MICAL3: variants seen among roughly 807,000 people sequenced by gnomAD.
MICAL3 encodes the protein microtubule associated monooxygenase, calponin and LIM domain containing 3, also known as [F-actin]-monooxygenase MICAL3.
MICAL3 carries 62 observed loss-of-function variants against 207.4 expected under a neutral mutation model. The ratio of observed to expected loss-of-function variants is 0.30; its 90% CI spans 0.24 to 0.37. MICAL3 has a LOEUF of 0.37. Among genes scored for constraint, MICAL3 ranks in the 10% least tolerant of loss-of-function variants. The pLI is 1.00. For missense variants in MICAL3, 2,368 were observed against 2,635.6 expected (o/e 0.90, Z 2.22); for synonymous variants, 1,077 against 1,069.3 (o/e 1.01, Z -0.14).
At position 17,788,977 on chromosome 22, in the gene MICAL3, G is replaced by C. The variant is rs536304192; in HGVS notation, c.*1755C>G. ...CGCCCCTGGCAGGCGGGTCTGGTCC[G>C]GATGGCTCCTCGCTGGGCTATGTGC... On this transcript the variant is annotated 3_prime_UTR_variant, in exon 32 of 32. Transcript: ENST00000441493. 1.3e-5 allele frequency: 2 copies of C among 152,586 alleles called. No individual in the cohort carries two copies. Among genetic ancestry groups the C allele is most frequent in the African/African-American group, 4.8e-5 (2 of 41,474 alleles). 9.5% of individuals were successfully genotyped at this position (152,586 alleles called of 1,614,324 possible).
intron 17 of MICAL3, among the ~76,000 whole-genome samples, chr22:17,866,643 T>TAGAATAGAATAGAAC (rs1927170353): frequency 6.6e-6 from 1 of 150,438 alleles, no homozygotes; most frequent in African/African-American, 2.5e-5. Context: ...TAGAATAGAA[T>TAGAATAGAATAGAAC]AGAATAGAAT....
chr22:17,861,711 AG>A lies in MICAL3; in HGVS notation c.2605+3187del, dbSNP rs1374346376. 7.1e-6 allele frequency: 7 copies of A among 985,222 alleles called. No individual in the cohort carries two copies. The African/African-American group carries it at 1.0e-4, about 15-fold the overall frequency. The allele number at this position is 985,222 out of a possible 1,614,324, so 61.0% of individuals were successfully genotyped here. On this transcript the variant is annotated intron_variant, in intron 19 of 31. Transcript: ENST00000441493. ...TGTGCCAGGACCACTAACACGCAGT[AG>A]TAAGTATAAGCTTGGAAACACAGCA...
intron 20 of MICAL3, among the ~76,000 whole-genome samples, chr22:17,836,093 T>TC (rs556155733): frequency 4.9e-4 from 74 of 152,238 alleles, no homozygotes; most frequent in Non-Finnish European, 3.4e-4. Context: ...GCTCTGAATT[T>TC]CCCCCCAGCT....
At chr22:17,872,250 G>A (rs901325188) in intron 16 of MICAL3, among the ~76,000 whole-genome samples, 1 of 152,252 alleles carries the variant, frequency 6.6e-6, no homozygotes, top group Non-Finnish European at 1.5e-5. Flanking sequence ...TGGCACAACC[G>A]CGAAAGCCTG....
chr22:17,990,533 C>A (rs925569286), intron 1 of MICAL3, among the ~76,000 whole-genome samples: 2 of 152,176 alleles, frequency 1.3e-5, no homozygotes, highest in African/African-American at 4.8e-5. Context: ...CTTCATTGCA[C>A]AGATGAGGAA....
chr22:17,937,399 C>T (rs1933587904), intron 1 of MICAL3, among the ~76,000 whole-genome samples: 1 of 152,212 alleles, frequency 6.6e-6, no homozygotes, highest in Non-Finnish European at 1.5e-5. Context: ...CGTGGTGGCT[C>T]ACACCTGTAA....
In MICAL3 at chr22:17,818,223, C is replaced by A; in HGVS notation, c.4438G>T (p.Glu1480Ter). 6.9e-7 allele frequency: 1 copy of A among 1,457,780 alleles called. No individual in the cohort carries two copies. Among genetic ancestry groups the A allele is most frequent in the South Asian group, 1.2e-5 (1 of 83,052 alleles). The allele number at this position is 1,457,780 out of a possible 1,614,324, so 90.3% of individuals were successfully genotyped here. Residue 1480 changes from glutamate (E) to a stop codon, truncating the protein, a stop_gained, in exon 26 of 32, where the codon GAG becomes TAG. Coordinates refer to ENST00000441493, the MANE Select transcript of MICAL3 (RefSeq NM_015241.3). LOFTEE classifies it high-confidence loss of function. ...ATLRRKLREA[E>*]PNASVVPPPL... The stretch of plus-strand genomic sequence containing the variant: ...GGCGGGACCACCGAGGCATTGGGCT[C>A]GGCCTCCCTGAGCTTCCTCCGCAAG...
chr22:17,860,258 A>T, intron 19 of MICAL3: 1 of 985,442 alleles, frequency 1.0e-6, no homozygotes, highest in African/African-American at 1.7e-5. Flanking sequence ...CGGCAAAAAC[A>T]AAGTTACACA....
At chr22:17,979,508 G>C (rs181589705) in intron 1 of MICAL3, among the ~76,000 whole-genome samples, 168 of 152,334 alleles carry the variant, frequency 1.1e-3, no homozygotes, top group African/African-American at 3.9e-3. Flanking sequence ...TCGAGCCACT[G>C]TACTCCAGCC....
intron 29 of MICAL3, 105 bp from the exon 30 acceptor site, chr22:17,791,406 C>T (rs1013457549): frequency 1.1e-4 from 106 of 997,028 alleles, no homozygotes; most frequent in Non-Finnish European, 1.5e-4. Context: ...AAGATGCTGC[C>T]GGAACTTCCA....
In MICAL3 at chr22:17,964,469, G is replaced by A. The variant is rs117374389; in HGVS notation, c.-74-57583C>T. ...GCTTTTGGGTCCTGTCACTATCTGCGCACACAGCACACGTCCACATGTATC... is the reference window on the plus strand; with the variant it reads ...GCTTTTGGGTCCTGTCACTATCTGCACACACAGCACACGTCCACATGTATC... On this transcript the variant is annotated intron_variant, in intron 1 of 31. Transcript: ENST00000441493. 4.6e-3 allele frequency among the ~76,000 whole-genome samples: 702 copies of A among 152,292 alleles called. 3 individuals are homozygous for A. Among genetic ancestry groups the A allele is most frequent in the Middle Eastern group, 0.044 (13 of 294 alleles).
At chr22:17,889,328 T>A (rs1602154680) in intron 12 of MICAL3, 98 bp from the exon 13 acceptor site, 1 of 890,270 alleles carries the variant, frequency 1.1e-6, no homozygotes, top group Non-Finnish European at 1.7e-6. Flanking sequence ...TGTTTTCAGC[T>A]AAAATCCAGG....
At chr22:17,895,762 A>G (rs1930774295) in intron 9 of MICAL3, among the ~76,000 whole-genome samples, 1 of 152,156 alleles carries the variant, frequency 6.6e-6, no homozygotes, top group Non-Finnish European at 1.5e-5. Flanking sequence ...AATTATCACT[A>G]TATTTAGTCA....
At chr22:17,851,410 T>G (rs1305466814) in intron 19 of MICAL3, among the ~76,000 whole-genome samples, 1 of 152,188 alleles carries the variant, frequency 6.6e-6, no homozygotes, top group African/African-American at 2.4e-5. Flanking sequence ...TCTGTTCAGG[T>G]CTGAATGGAC....
chr22:17,855,042 A>G (rs1318102108), intron 19 of MICAL3, among the ~76,000 whole-genome samples: 1 of 152,208 alleles, frequency 6.6e-6, no homozygotes, highest in African/African-American at 2.4e-5. Flanking sequence ...CCCCTGCCAC[A>G]GTGTGCCTTG....
intron 1 of MICAL3, among the ~76,000 whole-genome samples, chr22:17,913,114 C>G (rs1932244822): frequency 6.6e-6 from 1 of 151,926 alleles, no homozygotes; most frequent in Non-Finnish European, 1.5e-5. Flanking sequence ...TGACACTCAG[C>G]AGGATGGAGA....
chr22:17,998,223 G>C (rs770506293), intron 1 of MICAL3, among the ~76,000 whole-genome samples: 1 of 152,230 alleles, frequency 6.6e-6, no homozygotes, highest in East Asian at 1.9e-4. Flanking sequence ...AGAATCGCTC[G>C]AACCCAGGAG....
chr22:17,958,880 ATT>A (rs1261025620), intron 1 of MICAL3, among the ~76,000 whole-genome samples: 1 of 149,456 alleles, frequency 6.7e-6, no homozygotes, highest in African/African-American at 2.5e-5. Context: ...ATTTTTTTGT[ATT>A]TTTAGTAAAG....
At chr22:17,974,183 C>T (rs1358458368) in intron 1 of MICAL3, among the ~76,000 whole-genome samples, 1 of 152,130 alleles carries the variant, frequency 6.6e-6, no homozygotes, top group Non-Finnish European at 1.5e-5. Flanking sequence ...AGCCCAGCTC[C>T]CTAGGGCTTT....
Sources: gnomAD v4.1 joint callset for allele counts (sites outside exome capture counted in the v4.1 genomes callset) on GRCh38, gnomAD v4.1.1 for gene constraint, MANE v1.5 for transcripts, NCBI Gene and HGNC (gene_info 2026-07-23, HGNC 2026-07-21) for gene names.